Variants in CELF5 observed in about 807,000 individuals in gnomAD.
CELF5 encodes CUG-BP and ETR-3 like factor 5.
CELF5 carries 6 observed loss-of-function variants against 54.9 expected under a neutral mutation model. That is an observed-to-expected ratio of 0.11 (90% CI 0.06 to 0.22). The LOEUF is 0.22. CELF5 is among the 10% of genes least tolerant of loss of function. CELF5 has a pLI of 1.00. For synonymous variants in CELF5, 271 were observed against 290.9 expected (o/e 0.93, Z 0.70); for missense variants, 401 against 678.6 (o/e 0.59, Z 4.54).
intron 1 of CELF5, among the ~76,000 whole-genome samples, chr19:3,238,786 C>G: frequency 6.6e-6 from 1 of 152,138 alleles, no homozygotes; most frequent in South Asian, 2.1e-4. Flanking sequence ...ACAAAATTAG[C>G]AGGGTGTGGC....
intron 10 of CELF5, chr19:3,286,756 C>T (rs2080255692): frequency 2.4e-5 from 3 of 127,074 alleles, no homozygotes; most frequent in Non-Finnish European, 5.2e-5. Flanking sequence ...AAAAAAAGGC[C>T]GGGCACGGTG....
At chr19:3,276,024 G>T in intron 4 of CELF5, 40 bp downstream of exon 4, 1 of 1,508,174 alleles carries the variant, frequency 6.6e-7, no homozygotes, top group Non-Finnish European at 9.0e-7. Context: ...GAGAGGGGCC[G>T]GGCTAGCTCT....
intron 1 of CELF5, among the ~76,000 whole-genome samples, chr19:3,241,370 C>T (rs983856500): frequency 1.3e-5 from 2 of 151,966 alleles, no homozygotes; most frequent in Non-Finnish European, 2.9e-5. Context: ...TGTGAGCCAC[C>T]GCGCCCGGCC....
chr19:3,225,013 C>T lies in CELF5; in HGVS notation c.259+15C>T. 3 of 1,412,244 alleles carry T rather than the reference C, an allele frequency of 2.1e-6. No individual in the cohort carries two copies. The highest frequency in any genetic ancestry group is 2.8e-6 in the Non-Finnish European group (3 of 1,054,134). 87.5% of individuals were successfully genotyped at this position (1,412,244 alleles called of 1,614,324 possible). A position where few individuals can be genotyped will look rare whatever the true frequency, so the allele number is the denominator to read the frequency against. On this transcript the variant is annotated intron_variant, in intron 1 of 12. Transcript: ENST00000292672. ...GATGCACAAAGGTGGGCGCCCGGCC[C>T]CCTCCCCCCTCTCCCCCTCCCTCCG...
At chr19:3,274,649 G>A (rs1032709652) in intron 3 of CELF5, among the ~76,000 whole-genome samples, 1 of 152,182 alleles carries the variant, frequency 6.6e-6, no homozygotes, top group Non-Finnish European at 1.5e-5. Flanking sequence ...CTGTTCCCAT[G>A]GGACCCAAAT....
chr19:3,256,373 T>C (rs1291488558), intron 2 of CELF5, among the ~76,000 whole-genome samples: 2 of 152,092 alleles, frequency 1.3e-5, no homozygotes. Flanking sequence ...GTCCCTGGGC[T>C]GAGTCCTCCA....
intron 1 of CELF5, among the ~76,000 whole-genome samples, chr19:3,244,388 G>C (rs974138475): frequency 2.0e-5 from 3 of 151,166 alleles, no homozygotes; most frequent in Non-Finnish European, 4.4e-5. Flanking sequence ...TGTGTGTAGT[G>C]TGTGTGGTGT....
rs1259486369 is a variant in CELF5 at position 3,235,644 on chromosome 19, GA to G, written c.259+10647del. Among the ~76,000 whole-genome samples the G allele has an allele frequency of 3.2e-3, 466 of 146,264 alleles. 3 individuals carry two copies. The highest frequency in any genetic ancestry group is 0.012 in the African/African-American group (441 of 38,116). On this transcript the variant is annotated intron_variant, in intron 1 of 12. Coordinates refer to ENST00000292672, the MANE Select transcript of CELF5 (RefSeq NM_021938.4). Reference sequence around the variant, plus strand: ...TAGGTGGGTGGGTGGATGGGTGGATGAGTGGATGGATGGATGGATGGATGGA... The same window carrying G: ...TAGGTGGGTGGGTGGATGGGTGGATGGTGGATGGATGGATGGATGGATGGA...
In CELF5 at chr19:3,268,625, C is replaced by T. The variant is rs1000764398; in HGVS notation, c.343-5247C>T. Among the ~76,000 whole-genome samples, 1 of 151,958 alleles carries T rather than the reference C, an allele frequency of 6.6e-6. No individual in the cohort carries two copies. The highest frequency in any genetic ancestry group is 1.5e-5 in the Non-Finnish European group (1 of 67,992). ...AGTCTACAAACCCGTGTATCATTTC[C>T]GCTGTCATTTGTGGACCCTGGGCTA... On this transcript the variant is annotated intron_variant, in intron 2 of 12. Coordinates refer to ENST00000292672, the MANE Select transcript of CELF5 (RefSeq NM_021938.4). The surrounding 1 kb of genome is among the most constrained non-coding windows in gnomAD (Gnocchi z 4.4).
At chr19:3,242,517 A>C (rs2079505451) in intron 1 of CELF5, among the ~76,000 whole-genome samples, 1 of 151,880 alleles carries the variant, frequency 6.6e-6, no homozygotes, top group South Asian at 2.1e-4. Flanking sequence ...CTAAAAATAC[A>C]AAAAAATGGC....
chr19:3,285,918 T>A, intron 9 of CELF5, 24 bp from the exon 10 acceptor site: 1 of 1,379,610 alleles, frequency 7.2e-7, no homozygotes, highest in Non-Finnish European at 9.5e-7. Context: ...CTCCTCGCCC[T>A]GTGTCTCGCT....
chr19:3,271,834 G>A (rs984007855), intron 2 of CELF5, among the ~76,000 whole-genome samples: 27 of 152,202 alleles, frequency 1.8e-4, no homozygotes, highest in Non-Finnish European at 2.5e-4. Flanking sequence ...GTCAGATCAC[G>A]AGGGACAGAG....
chr19:3,290,124 C>T, intron 10 of CELF5, 107 bp from the exon 11 acceptor site: 1 of 827,036 alleles, frequency 1.2e-6, no homozygotes, highest in Non-Finnish European at 1.9e-6. Flanking sequence ...CACCCCTCTC[C>T]CGACAGCTGG....
chr19:3,229,880 G>C (rs1917168976), intron 1 of CELF5, among the ~76,000 whole-genome samples: 1 of 152,122 alleles, frequency 6.6e-6, no homozygotes, highest in South Asian at 2.1e-4. Context: ...TTTTGCCCTG[G>C]TAGGAAAGGA....
Position 3,257,419 on chromosome 19 carries a change from G to A in CELF5, c.342+6352G>A, listed in dbSNP as rs116626961. 6.7e-3 allele frequency among the ~76,000 whole-genome samples: 1,023 copies of A among 152,294 alleles called. 10 individuals are homozygous for A. The highest frequency in any genetic ancestry group is 0.023 in the African/African-American group (953 of 41,556). ...CAAGGGTGACTGGGACCAGGGGACA[G>A]TAGCAACCAGAGGAACGATCTGGTT... On this transcript the variant is annotated intron_variant, in intron 2 of 12. Transcript: ENST00000292672.
chr19:3,292,751 C>A (rs932578326), intron 11 of CELF5, among the ~76,000 whole-genome samples: 1 of 152,020 alleles, frequency 6.6e-6, no homozygotes, highest in Non-Finnish European at 1.5e-5. Context: ...AGACAGTTAG[C>A]TGGGCATGGT....
At chr19:3,277,940 T>G (rs766069219) in intron 4 of CELF5, 91 bp from the exon 5 acceptor site, 5 of 915,244 alleles carry the variant, frequency 5.5e-6, no homozygotes, top group Non-Finnish European at 3.5e-6. Flanking sequence ...ACACTGGCCA[T>G]GTAGGTCTCT....
rs1010312921 is a variant in CELF5 at position 3,268,373 on chromosome 19, G to A, written c.343-5499G>A. Among the ~76,000 whole-genome samples the A allele has an allele frequency of 5.9e-5, 9 of 152,066 alleles. No individual in the cohort carries two copies. The highest frequency in any genetic ancestry group is 1.9e-4 in the African/African-American group (8 of 41,424). On this transcript the variant is annotated intron_variant, in intron 2 of 12. Transcript: ENST00000292672. The surrounding 1 kb of genome is among the most constrained non-coding windows in gnomAD (Gnocchi z 4.4). Reference sequence around the variant, plus strand: ...GGTGCTGAACGCAGAACCCGAGCTCGGCACACAGGCACAGAATAAATGAAT... The same window carrying A: ...GGTGCTGAACGCAGAACCCGAGCTCAGCACACAGGCACAGAATAAATGAAT...
chr19:3,276,692 T>G (rs1303816709), intron 4 of CELF5, among the ~76,000 whole-genome samples: 9 of 103,824 alleles, frequency 8.7e-5, no homozygotes, highest in South Asian at 3.2e-4. Flanking sequence ...GGGGCTGCGG[T>G]GGGGTGGGCG....
Sources: gnomAD v4.1 joint callset for allele counts (sites outside exome capture counted in the v4.1 genomes callset) on GRCh38, gnomAD v4.1.1 for gene constraint, Gnocchi (gnomAD v3.1) non-coding constraint, MANE v1.5 for transcripts, NCBI Gene and HGNC (gene_info 2026-07-23, HGNC 2026-07-21) for gene names.